The following FILIP1 variants were observed in gnomAD, a reference collection of about 807,000 sequenced individuals.
The protein encoded by FILIP1 is filamin-A-interacting protein 1.
A neutral mutation model predicts 102.1 loss-of-function variants in FILIP1; 61 were observed. The observed-to-expected ratio is 0.60, with a 90% CI of 0.49 to 0.74. The LOEUF (loss-of-function observed/expected upper bound fraction) is 0.74. FILIP1 is among the 30% of genes least tolerant of loss of function. The pLI is 0.00. For missense variants in FILIP1, 1,314 were observed against 1,441.2 expected, an observed-to-expected ratio of 0.91 and a Z score of 1.43; for synonymous variants, 491 against 526.9, an observed-to-expected ratio of 0.93 and a Z score of 0.93.
At chr6:75,425,700 C>A (rs1388671511) in intron 1 of FILIP1, among the ~76,000 whole-genome samples, 2 of 152,134 alleles carry the variant, frequency 1.3e-5, no homozygotes, top group Admixed American at 1.3e-4. Context: ...AACTCTCCAA[C>A]CCACAGTGTC....
chr6:75,443,755 C>T (rs1020835324), intron 1 of FILIP1, among the ~76,000 whole-genome samples: 7 of 152,226 alleles, frequency 4.6e-5, no homozygotes, highest in Non-Finnish European at 8.8e-5. Context: ...TCGCCTTAGA[C>T]AAGGTATGGA....
chr6:75,397,198 TAAATA>T lies in FILIP1; in HGVS notation c.276+17494_276+17498del, dbSNP rs953420232. Among the ~76,000 whole-genome samples the T allele has an allele frequency of 5.9e-5, 9 of 151,842 alleles. No individual in the cohort carries two copies. In the South Asian group the frequency reaches 1.0e-3, roughly 18 times the overall value. On this transcript the variant is annotated intron_variant, in intron 2 of 5. Transcript: ENST00000237172. Reference sequence around the variant, plus strand: ...AGTAGTTTGATTAAAAATAAATAAATAAATAAAAGACTTATTCAGTACCCAACATA... The same window carrying T: ...AGTAGTTTGATTAAAAATAAATAAATAAAGACTTATTCAGTACCCAACATA...
chr6:75,397,492 G>GTATATA (rs35562292), intron 2 of FILIP1, among the ~76,000 whole-genome samples: 8 of 146,074 alleles, frequency 5.5e-5, no homozygotes, highest in African/African-American at 2.0e-4. Context: ...ATATATATGT[G>GTATATA]TATATATATA....
intron 1 of FILIP1, chr6:75,465,604 A>C: frequency 2.5e-6 from 1 of 403,508 alleles, no homozygotes; most frequent in Non-Finnish European, 4.5e-6. Flanking sequence ...CCATCCCCTC[A>C]TTCGATTTAA....
intron 1 of FILIP1, chr6:75,455,038 C>T (rs928010718): frequency 3.3e-5 from 5 of 151,596 alleles, no homozygotes; most frequent in African/African-American, 1.2e-4. Flanking sequence ...AGAAAGCTGT[C>T]TGGCCTCTTT....
At chr6:75,315,325 G>T in intron 4 of FILIP1, 123 bp from the exon 5 acceptor site, 1 of 632,552 alleles carries the variant, frequency 1.6e-6, no homozygotes, top group Non-Finnish European at 2.5e-6. Flanking sequence ...TAATTTCAAT[G>T]TTTAAAGAAT....
chr6:75,325,286 G>T (rs909159668), intron 4 of FILIP1, among the ~76,000 whole-genome samples: 1 of 152,130 alleles, frequency 6.6e-6, no homozygotes, highest in African/African-American at 2.4e-5. Context: ...TCTGGGTGTG[G>T]TGGCACACAC....
intron 4 of FILIP1, among the ~76,000 whole-genome samples, chr6:75,333,880 A>G (rs1352587942): frequency 6.6e-6 from 1 of 152,068 alleles, no homozygotes; most frequent in African/African-American, 2.4e-5. Flanking sequence ...CATAATCCAA[A>G]CTTTACTCTC....
intron 1 of FILIP1, among the ~76,000 whole-genome samples, chr6:75,442,853 G>C (rs1030030327): frequency 1.3e-5 from 2 of 152,186 alleles, no homozygotes; most frequent in South Asian, 4.1e-4. Context: ...AGTGTCATCC[G>C]TGGAGTTAGC....
At chr6:75,476,139 G>T (rs1444159472) in intron 1 of FILIP1, among the ~76,000 whole-genome samples, 1 of 151,894 alleles carries the variant, frequency 6.6e-6, no homozygotes, top group East Asian at 1.9e-4. Flanking sequence ...TACTCAGGAG[G>T]CGGAGGCAGG....
intron 1 of FILIP1, among the ~76,000 whole-genome samples, chr6:75,489,941 T>G (rs539269325): frequency 6.6e-6 from 1 of 152,182 alleles, no homozygotes; most frequent in African/African-American, 2.4e-5. Flanking sequence ...AACACGAGCT[T>G]GCCCCCTCAT....
chr6:75,319,171 T>C (rs1484362959), intron 4 of FILIP1: 16 of 735,620 alleles, frequency 2.2e-5, no homozygotes, highest in Non-Finnish European at 3.7e-5. Flanking sequence ...AGGCTTTCCT[T>C]TAGCTTGATA....
At chr6:75,341,231 G>A (rs1319078838) in intron 4 of FILIP1, among the ~76,000 whole-genome samples, 3 of 151,034 alleles carry the variant, frequency 2.0e-5, no homozygotes, top group Non-Finnish European at 2.9e-5. Context: ...TGCAATCTCA[G>A]TTCACTGCAA....
At position 75,331,698 on chromosome 6, in the gene FILIP1, T is replaced by C. The variant is rs965224815; in HGVS notation, c.630-16496A>G. ...ACTGGAAAGATCTCCTTCCTTTCTA[T>C]GGAATCAGTGCCATGCTGCGACTCT... On this transcript the variant is annotated intron_variant, in intron 4 of 5. Transcript: ENST00000237172. 7.2e-5 allele frequency among the ~76,000 whole-genome samples: 11 copies of C among 152,284 alleles called. No individual in the cohort carries two copies. The South Asian group carries it at 8.3e-4, about 11-fold the overall frequency.
intron 1 of FILIP1, among the ~76,000 whole-genome samples, chr6:75,435,519 G>A (rs1007809297): frequency 6.6e-6 from 1 of 152,160 alleles, no homozygotes; most frequent in Non-Finnish European, 1.5e-5. Context: ...CTTAAAATCA[G>A]GTTTCCTGGA....
intron 1 of FILIP1, among the ~76,000 whole-genome samples, chr6:75,481,925 A>G (rs1779659275): frequency 6.6e-6 from 1 of 152,234 alleles, no homozygotes; most frequent in Admixed American, 6.5e-5. Flanking sequence ...ACCCAAATAT[A>G]GTTTAAATTA....
intron 4 of FILIP1, among the ~76,000 whole-genome samples, chr6:75,342,669 C>G (rs949850073): frequency 1.3e-5 from 2 of 152,174 alleles, no homozygotes; most frequent in African/African-American, 4.8e-5. Flanking sequence ...ATCTGCTCAT[C>G]ATTCTTCCAC....
intron 2 of FILIP1, among the ~76,000 whole-genome samples, chr6:75,383,293 T>C (rs1178995602): frequency 1.3e-5 from 2 of 152,116 alleles, no homozygotes; most frequent in Non-Finnish European, 2.9e-5. Flanking sequence ...ATCTAAAGGA[T>C]TAATGGAGAC....
At chr6:75,319,965 G>A (rs1773592793) in intron 4 of FILIP1, 1 of 403,038 alleles carries the variant, frequency 2.5e-6, no homozygotes, top group Non-Finnish European at 4.5e-6. Flanking sequence ...AGCTTCTTAG[G>A]ATCTCCATTG....
Sources: gnomAD v4.1 joint callset for allele counts (sites outside exome capture counted in the v4.1 genomes callset) on GRCh38, gnomAD v4.1.1 for gene constraint, MANE v1.5 for transcripts, NCBI Gene and HGNC (gene_info 2026-07-23, HGNC 2026-07-21) for gene names.